PCGF5: variants seen among roughly 807,000 people sequenced by gnomAD.
The protein encoded by PCGF5 is polycomb group RING finger protein 5.
Under a neutral mutation model 44.3 loss-of-function variants are expected in PCGF5, and 9 were observed. The ratio of observed to expected loss-of-function variants is 0.20; its 90% CI spans 0.12 to 0.35. The LOEUF (loss-of-function observed/expected upper bound fraction) is 0.35, where lower values mean the gene tolerates loss of function less well. Ranked by LOEUF, PCGF5 falls within the 10% of genes least tolerant of loss-of-function variation. The probability of loss-of-function intolerance (pLI) is 1.00; values close to 1 mark genes in which losing one functional copy is unlikely to be tolerated. For synonymous variants in PCGF5, 95 were observed against 102.5 expected, an observed-to-expected ratio of 0.93 and a Z score of 0.44; for missense variants, 146 against 305.3, an observed-to-expected ratio of 0.48 and a Z score of 3.89.
chr10:91,262,371 T>C (rs1478535117), intron 7 of PCGF5, among the ~76,000 whole-genome samples: 1 of 152,070 alleles, frequency 6.6e-6, no homozygotes, highest in Non-Finnish European at 1.5e-5. Context: ...GAGGTTGCAG[T>C]GACCCGAGAT....
At chr10:91,272,163 A>G (rs918318383) in intron 9 of PCGF5, among the ~76,000 whole-genome samples, 1 of 152,240 alleles carries the variant, frequency 6.6e-6, no homozygotes, top group African/African-American at 2.4e-5. Flanking sequence ...CTCTTTAAAA[A>G]TGATAGTGAG....
chr10:91,233,084 G>A (rs1845054947), intron 2 of PCGF5, among the ~76,000 whole-genome samples: 1 of 151,982 alleles, frequency 6.6e-6, no homozygotes, highest in Non-Finnish European at 1.5e-5. Flanking sequence ...GAGGGGAAGG[G>A]GAGTCGAAGT....
intron 8 of PCGF5, among the ~76,000 whole-genome samples, chr10:91,267,581 A>G (rs1289693357): frequency 6.6e-6 from 1 of 152,236 alleles, no homozygotes; most frequent in Non-Finnish European, 1.5e-5. Flanking sequence ...ATTTTTATTT[A>G]TCTGAATCTC....
chr10:91,179,892 A>G (rs12256740), intron 1 of PCGF5, among the ~76,000 whole-genome samples: 435 of 152,236 alleles, frequency 2.9e-3, no homozygotes, highest in African/African-American at 0.01. Context: ...GTCGAATGGT[A>G]TTTCTATCTT....
At chr10:91,231,155 T>A (rs1350372197) in intron 2 of PCGF5, among the ~76,000 whole-genome samples, 1 of 152,246 alleles carries the variant, frequency 6.6e-6, no homozygotes, top group Admixed American at 6.5e-5. Context: ...TAGTAACATG[T>A]GTAGGGTCTA....
At chr10:91,182,334 G>C (rs1289002055) in intron 1 of PCGF5, among the ~76,000 whole-genome samples, 2 of 151,940 alleles carry the variant, frequency 1.3e-5, no homozygotes, top group Non-Finnish European at 2.9e-5. Context: ...AGATTTTTTA[G>C]TTTATAAGCA....
intron 6 of PCGF5, among the ~76,000 whole-genome samples, chr10:91,255,466 G>C (rs1193593083): frequency 6.6e-6 from 1 of 152,050 alleles, no homozygotes; most frequent in Non-Finnish European, 1.5e-5. Context: ...AGGAAGTGAA[G>C]ACTAAGGCAG....
chr10:91,276,868 A>T (rs1279468539), intron 9 of PCGF5, among the ~76,000 whole-genome samples: 3 of 152,216 alleles, frequency 2.0e-5, no homozygotes, highest in Admixed American at 6.5e-5. Flanking sequence ...AATGGAAAGG[A>T]TATTGGTCGT....
intron 2 of PCGF5, among the ~76,000 whole-genome samples, chr10:91,232,357 ATAAAG>A (rs1419844891): frequency 1.3e-5 from 2 of 152,202 alleles, no homozygotes; most frequent in African/African-American, 2.4e-5. Context: ...TTTAATCTTA[ATAAAG>A]TAAAGAAAAG....
chr10:91,199,896 A>G (rs1350206249), intron 1 of PCGF5, among the ~76,000 whole-genome samples: 1 of 152,260 alleles, frequency 6.6e-6, no homozygotes, highest in Non-Finnish European at 1.5e-5. Flanking sequence ...AAATATCAAC[A>G]GGAAAGTAGA....
At chr10:91,234,440 A>C (rs1467563472) in intron 2 of PCGF5, among the ~76,000 whole-genome samples, 1 of 152,246 alleles carries the variant, frequency 6.6e-6, no homozygotes, top group Non-Finnish European at 1.5e-5. Flanking sequence ...CTTCCTATTC[A>C]GGTGAAGAAA....
chr10:91,160,941 G>T (rs1008780453), upstream of PCGF5, among the ~76,000 whole-genome samples: 1 of 152,200 alleles, frequency 6.6e-6, no homozygotes, highest in Admixed American at 6.5e-5. Context: ...TCCTTTTGCG[G>T]CTGTCACATA....
chr10:91,225,711 A>C (rs1209202366), intron 2 of PCGF5, among the ~76,000 whole-genome samples: 1 of 152,100 alleles, frequency 6.6e-6, no homozygotes, highest in Non-Finnish European at 1.5e-5. Flanking sequence ...TATACAAATA[A>C]ATACAAATAT....
chr10:91,161,125 C>T (rs1346628754), upstream of PCGF5, among the ~76,000 whole-genome samples: 5 of 152,220 alleles, frequency 3.3e-5, no homozygotes, highest in Non-Finnish European at 2.9e-5. Flanking sequence ...GCTCCAACTC[C>T]TATTGGACAA....
chr10:91,159,111 A>G (rs1196097982), upstream of PCGF5, among the ~76,000 whole-genome samples: 1 of 152,204 alleles, frequency 6.6e-6, no homozygotes, highest in Non-Finnish European at 1.5e-5. Flanking sequence ...GGAGCACCAT[A>G]TCTTCACAGA....
At chr10:91,159,250 A>ATT (rs144034815), upstream of PCGF5, among the ~76,000 whole-genome samples, 1 of 151,536 alleles carries the variant, frequency 6.6e-6, no homozygotes, top group Admixed American at 6.6e-5. Context: ...GGAAGTCATA[A>ATT]TTTTTTTTTG....
At chr10:91,273,570 G>A (rs747889941) in intron 9 of PCGF5, among the ~76,000 whole-genome samples, 23 of 152,068 alleles carry the variant, frequency 1.5e-4, no homozygotes, top group South Asian at 4.1e-4. Flanking sequence ...AGGATGCACC[G>A]TTAACTTCCT....
chr10:91,214,309 T>TA (rs71025346), intron 1 of PCGF5, among the ~76,000 whole-genome samples: 41,824 of 138,998 alleles, frequency 0.3, 6,871 homozygotes, highest in East Asian at 0.64. Flanking sequence ...AAATATATGT[T>TA]AAAAAAAAAA....
At chr10:91,183,831 G>T (rs897353725) in intron 1 of PCGF5, among the ~76,000 whole-genome samples, 2 of 152,100 alleles carry the variant, frequency 1.3e-5, no homozygotes, top group Non-Finnish European at 2.9e-5. Context: ...GCTTAGTTTG[G>T]CTGGATATGA....
Sources: allele counts gnomAD v4.1 joint callset (sites outside exome capture counted in the v4.1 genomes callset), GRCh38; gene constraint gnomAD v4.1.1; transcripts MANE v1.5; gene names NCBI Gene and HGNC (gene_info 2026-07-23, HGNC 2026-07-21).